The following ICE2 variants were observed in gnomAD, a reference collection of about 807,000 sequenced individuals.
ICE2 encodes the protein little elongation complex subunit 2.
In ICE2, 87 loss-of-function variants were observed where a neutral mutation model predicts 105.4. That is an observed-to-expected ratio of 0.83 (90% CI 0.69 to 0.99). ICE2 has a LOEUF of 0.99. Ranked by LOEUF, ICE2 falls within the 50% of genes least tolerant of loss-of-function variation. The pLI is 0.00. For missense variants in ICE2, 1,323 were observed against 1,146.7 expected, an observed-to-expected ratio of 1.15 and a Z score of -2.22; for synonymous variants, 399 against 392.0, an observed-to-expected ratio of 1.02 and a Z score of -0.21.
rs541454425 is a variant in ICE2, at chr15:60,433,885, T to TA, written c.2511-1902dup. ...GGAAAAGCTTTTCTATTCACATATG[T>TA]AAAAAAAAAGTTACTGTTCAAGAGA... On this transcript the variant is annotated intron_variant, in intron 13 of 15. Transcript: ENST00000261520. Among the ~76,000 whole-genome samples the TA allele has an allele frequency of 2.1e-4, 31 of 150,898 alleles. No homozygotes were observed. In the South Asian group the frequency reaches 2.7e-3, roughly 13 times the overall value.
Position 60,428,707 on chromosome 15 carries a change from C to G in ICE2, c.2562-20G>C. On this transcript the variant is annotated intron_variant, in intron 14 of 15. Transcript: ENST00000261520. The stretch of plus-strand genomic sequence containing the variant: ...TGCAAGCTAAATTCACACAATGAAA[C>G]TCAACCCACTGGCTCACTGTGTCAA... The G allele has an allele frequency of 6.2e-7, 1 of 1,607,676 alleles. No homozygotes were observed. The highest frequency in any genetic ancestry group is 8.5e-7 in the Non-Finnish European group (1 of 1,175,130).
At chr15:60,458,535 T>C (rs2064188355) in intron 5 of ICE2, among the ~76,000 whole-genome samples, 3 of 152,072 alleles carry the variant, frequency 2.0e-5, no homozygotes, top group Admixed American at 1.3e-4. Context: ...AAAGGTGAGG[T>C]GGCTTAAGGG....
chr15:60,424,217 A>G (rs2063289388), intron 15 of ICE2, among the ~76,000 whole-genome samples: 1 of 152,096 alleles, frequency 6.6e-6, no homozygotes, highest in African/African-American at 2.4e-5. Flanking sequence ...GAAAGATAAT[A>G]AGAAGGGTAG....
Position 60,423,448 on chromosome 15 carries a change from G to T in ICE2, c.*186C>A, listed in dbSNP as rs577046203. 15 of 443,300 alleles carry T rather than the reference G, an allele frequency of 3.4e-5. No individual in the cohort carries two copies. In the South Asian group the frequency reaches 4.1e-4, roughly 12 times the overall value. The allele number at this position is 443,300 out of a possible 1,614,324, so 27.5% of individuals were successfully genotyped here. ...ATCAAGATCCTCCTCAAACTTCAAG[G>T]GTGAAAAGCATACCATTCCATTTTA... On this transcript the variant is annotated 3_prime_UTR_variant, in exon 16 of 16. Transcript: ENST00000261520.
intron 11 of ICE2, chr15:60,443,024 C>A (rs760797410): frequency 1.3e-5 from 2 of 152,274 alleles, no homozygotes; most frequent in Non-Finnish European, 2.9e-5. Context: ...CTGAGCAGCT[C>A]GTTTCATTCT....
chr15:60,448,110 T>C lies in ICE2; in HGVS notation c.2155A>G (p.Thr719Ala), dbSNP rs781623390. ...TCCTGAGGAGCTAGGTATTCCGATG[T>C]ATCTTCAACATAGTCCTGAAGTTCA... ...PYELQDYVED[T>A]SEYLAPQEGN... is the part of the protein sequence containing the mutation. Residue 719 changes from threonine to alanine, a missense_variant, in exon 11 of 16, where the codon ACA becomes GCA. Thr to Ala is a moderately conservative substitution (Grantham distance 58). Coordinates refer to ENST00000261520, the MANE Select transcript of ICE2 (RefSeq NM_024611.6). 1 of 1,612,510 alleles carries C rather than the reference T, an allele frequency of 6.2e-7. No individual in the cohort carries two copies. The highest frequency in any genetic ancestry group is 8.5e-7 in the Non-Finnish European group (1 of 1,178,862).
At position 60,463,933 on chromosome 15, in the gene ICE2, A is replaced by G. The variant is rs185884143; in HGVS notation, c.528+2661T>C. Among the ~76,000 whole-genome samples the G allele has an allele frequency of 1.3e-3, 203 of 152,362 alleles. 1 individual carries two copies. The highest frequency in any genetic ancestry group is 2.2e-3 in the Non-Finnish European group (148 of 68,030). On this transcript the variant is annotated intron_variant, in intron 5 of 15. Transcript: ENST00000261520. ...GTTATTTATTATACAAGAGGACTAC[A>G]CAGGGGGCTTCTGAATTACTGGCAT...
At chr15:60,456,236 T>TTAAA (rs59663893) in intron 6 of ICE2, among the ~76,000 whole-genome samples, 1 of 151,320 alleles carries the variant, frequency 6.6e-6, no homozygotes, top group Non-Finnish European at 1.5e-5. Context: ...TGCTTAAAAT[T>TTAAA]TAATGTCTAT....
chr15:60,445,312 C>A (rs1218443900), intron 11 of ICE2, among the ~76,000 whole-genome samples: 1 of 152,064 alleles, frequency 6.6e-6, no homozygotes, highest in Non-Finnish European at 1.5e-5. Flanking sequence ...CCTCAACCTC[C>A]CTAAAGTTCC....
At chr15:60,436,297 T>C in intron 12 of ICE2, 70 bp from the exon 13 acceptor site, 1 of 541,858 alleles carries the variant, frequency 1.8e-6, no homozygotes, top group Non-Finnish European at 3.2e-6. Flanking sequence ...AACCAAGTTA[T>C]CCTGTCTCCT....
At chr15:60,463,240 G>A (rs771188163) in intron 5 of ICE2, among the ~76,000 whole-genome samples, 1 of 152,172 alleles carries the variant, frequency 6.6e-6, no homozygotes, top group African/African-American at 2.4e-5. Flanking sequence ...AAACGTGTGC[G>A]TATGTGTACC....
chr15:60,452,920 C>G (rs2063999458), intron 9 of ICE2: 3 of 985,300 alleles, frequency 3.0e-6, no homozygotes, highest in Non-Finnish European at 1.2e-6. Flanking sequence ...TCACCTGTTC[C>G]TTTTCACACT....
intron 12 of ICE2, among the ~76,000 whole-genome samples, chr15:60,437,540 C>T (rs1056878020): frequency 3.4e-4 from 52 of 151,808 alleles, no homozygotes; most frequent in African/African-American, 1.2e-3. Flanking sequence ...ATCATGTTGG[C>T]GAGGCTGGTC....
chr15:60,449,135 C>T lies in ICE2; in HGVS notation c.1832G>A (p.Gly611Glu). Residue 611 changes from glycine (G) to glutamate (E), a missense_variant, in exon 10 of 16, where the codon GGA (glycine) becomes GAA (glutamate). Transcript: ENST00000261520. ...SRPASPNSSS[G>E]QASVGNQTNT... ...AGTCTGGTTTCCTACAGAAGCCTGT[C>T]CTGAGGAAGAATTTGGACTAGCTGG... 1 of 1,614,054 alleles carries T rather than the reference C, an allele frequency of 6.2e-7. No homozygotes were observed. The highest frequency in any genetic ancestry group is 1.3e-5 in the African/African-American group (1 of 75,012).
chr15:60,449,322 C>G lies in ICE2; in HGVS notation c.1645G>C (p.Asp549His). 6.2e-7 allele frequency: 1 copy of G among 1,613,046 alleles called. No homozygotes were observed. Among genetic ancestry groups the G allele is most frequent in the Non-Finnish European group, 8.5e-7 (1 of 1,179,996 alleles). The change falls in exon 10 of 16, where the codon GAC (aspartate) becomes CAC (histidine). Residue 549 changes from aspartate (D) to histidine (H), a missense_variant. Asp to His is a moderately conservative substitution (Grantham distance 81). Transcript: ENST00000261520. ...CCAACAGTCTTTTCCTTTGAGTTGT[C>G]TAGGTTTTCTAGAACATTAGGTCTT... is the stretch of plus-strand genomic sequence containing the variant. ...GERPNVLENL[D>H]NSKEKTVGSE...
rs2063265321 is a variant in ICE2, at chr15:60,423,243, C to G, written c.*391G>C. 1 of 155,024 alleles carries G rather than the reference C, an allele frequency of 6.5e-6. No individual in the cohort carries two copies. Among genetic ancestry groups the G allele is most frequent in the Non-Finnish European group, 1.4e-5 (1 of 69,774 alleles). 9.6% of individuals were successfully genotyped at this position (155,024 alleles called of 1,614,324 possible). A position where few individuals can be genotyped will look rare whatever the true frequency, so the allele number is the denominator to read the frequency against. On this transcript the variant is annotated 3_prime_UTR_variant, in exon 16 of 16. Coordinates refer to ENST00000261520, the MANE Select transcript of ICE2 (RefSeq NM_024611.6). ...TCATAATCATCTTCAGCAGTGGCAA[C>G]ATTTAACTTTTTGAGTCAGTCGCAA...
intron 2 of ICE2, among the ~76,000 whole-genome samples, chr15:60,476,998 C>A (rs79764161): frequency 0.014 from 2,109 of 152,308 alleles, 45 homozygotes; most frequent in African/African-American, 0.047. Context: ...ATGTGCATAC[C>A]TCTTACCTAA....
In ICE2 at chr15:60,436,220, G is replaced by T; in HGVS notation, c.2433C>A (p.Ile811=). 7.6e-7 allele frequency: 1 copy of T among 1,324,318 alleles called. No homozygotes were observed. Among genetic ancestry groups the T allele is most frequent in the Non-Finnish European group, 1.0e-6 (1 of 975,032 alleles). The allele number at this position is 1,324,318 out of a possible 1,614,324, so 82.0% of individuals were successfully genotyped here. The change falls in exon 13 of 16, where the codon ATC becomes ATA. Residue 811 remains isoleucine (I), a synonymous_variant. Coordinates refer to ENST00000261520, the MANE Select transcript of ICE2 (RefSeq NM_024611.6). The part of the protein sequence containing the change: ...HSNSSFYVGH[I]DAFTSKLFLL... ...GAAAAAGTTTTGAAGTAAATGCATC[G>T]ATATGCCCTAAAATAAAATATCAAA...
In ICE2 at chr15:60,468,200, G is replaced by A; in HGVS notation, c.269C>T (p.Pro90Leu). 2 of 1,614,046 alleles carry A rather than the reference G, an allele frequency of 1.2e-6. No individual in the cohort carries two copies. Among genetic ancestry groups the A allele is most frequent in the Non-Finnish European group, 1.7e-6 (2 of 1,179,976 alleles). The change falls in exon 4 of 16, where the codon CCA (proline) becomes CTA (leucine). Residue 90 changes from proline (P) to leucine (L), a missense_variant. Physicochemically the swap from Pro to Leu is moderately conservative, Grantham distance 98. Transcript: ENST00000261520. Reference protein sequence around the residue: ...TTIGMVLLPKPRVPYPRFSRF... With the variant: ...TTIGMVLLPKLRVPYPRFSRF... ...AGAGAAACGAGGATAAGGAACTCTT[G>A]GTTTTGGAAGAAGAACCATTCCAAT...
Sources: gnomAD v4.1 joint callset for allele counts (sites outside exome capture counted in the v4.1 genomes callset) on GRCh38, gnomAD v4.1.1 for gene constraint, MANE v1.5 for transcripts, NCBI Gene and HGNC (gene_info 2026-07-23, HGNC 2026-07-21) for gene names.